The following FGF10 variants were observed in gnomAD, a reference collection of about 807,000 sequenced individuals.
The protein encoded by FGF10 is fibroblast growth factor 10, also known as FGF-10.
FGF10 carries 2 observed loss-of-function variants against 19.8 expected under a neutral mutation model. The ratio of observed to expected loss-of-function variants is 0.10; its 90% CI spans 0.04 to 0.32. The LOEUF is 0.32. Among genes scored for constraint, FGF10 ranks in the 10% least tolerant of loss-of-function variants. The pLI, the probability that FGF10 is intolerant of heterozygous loss-of-function variation, is 1.00. For missense variants in FGF10, 191 were observed against 246.3 expected, an observed-to-expected ratio of 0.78 and a Z score of 1.50; for synonymous variants, 112 against 94.0, an observed-to-expected ratio of 1.19 and a Z score of -1.10.
chr5:44,319,783 C>T (rs752015929), intron 1 of FGF10, among the ~76,000 whole-genome samples: 1 of 152,134 alleles, frequency 6.6e-6, no homozygotes, highest in African/African-American at 2.4e-5. Context: ...TTTATGTATA[C>T]TTGACAAATG....
chr5:44,303,709 A>G lies in FGF10; in HGVS notation c.*1286T>C, dbSNP rs1417385137. ...AAACAAGTTTTATTTGGTTTTGTAA[A>G]GACTAGATCATACAGCTAGAACAGG... On this transcript the variant is annotated 3_prime_UTR_variant, in exon 3 of 3. Transcript: ENST00000264664. 1 of 152,188 alleles carries G rather than the reference A, an allele frequency of 6.6e-6. No individual in the cohort carries two copies. Among genetic ancestry groups the G allele is most frequent in the Non-Finnish European group, 1.5e-5 (1 of 68,034 alleles). The allele number at this position is 152,188 out of a possible 1,614,324, so 9.4% of individuals were successfully genotyped here.
At chr5:44,324,653 A>G (rs1476727957) in intron 1 of FGF10, among the ~76,000 whole-genome samples, 1 of 152,176 alleles carries the variant, frequency 6.6e-6, no homozygotes, top group Non-Finnish European at 1.5e-5. Context: ...TTCAACTGAA[A>G]TAAAATAATT....
chr5:44,333,155 C>T (rs1740775318), intron 1 of FGF10, among the ~76,000 whole-genome samples: 1 of 152,050 alleles, frequency 6.6e-6, no homozygotes, highest in Non-Finnish European at 1.5e-5. Flanking sequence ...TTTTACAATT[C>T]TATAATTATG....
At chr5:44,358,207 C>T (rs138977087) in intron 1 of FGF10, among the ~76,000 whole-genome samples, 22 of 151,590 alleles carry the variant, frequency 1.5e-4, no homozygotes, top group East Asian at 5.9e-4. Context: ...AGATCTTTAA[C>T]GTATGTTCAT....
intron 1 of FGF10, among the ~76,000 whole-genome samples, chr5:44,346,218 C>T (rs1741087437): frequency 6.6e-6 from 1 of 151,712 alleles, no homozygotes; most frequent in Admixed American, 6.6e-5. Context: ...ACTTGTTCTG[C>T]CTCCAAAATG....
At chr5:44,350,741 GA>G (rs547059310) in intron 1 of FGF10, among the ~76,000 whole-genome samples, 494 of 146,736 alleles carry the variant, frequency 3.4e-3, no homozygotes, top group Non-Finnish European at 5.3e-3. Context: ...TTCATTTCAT[GA>G]AAAAAAAAAT....
At chr5:44,324,475 T>TGAA (rs1477219251) in intron 1 of FGF10, among the ~76,000 whole-genome samples, 2 of 152,140 alleles carry the variant, frequency 1.3e-5, no homozygotes, top group African/African-American at 4.8e-5. Flanking sequence ...TATCATATCT[T>TGAA]GAAGAAATGT....
chr5:44,372,038 A>G (rs191556062), intron 1 of FGF10, among the ~76,000 whole-genome samples: 13 of 152,284 alleles, frequency 8.5e-5, no homozygotes, highest in African/African-American at 2.6e-4. Context: ...TAGGGCCGAT[A>G]TAACAAATTA....
chr5:44,342,213 C>G (rs1740986190), intron 1 of FGF10, among the ~76,000 whole-genome samples: 1 of 151,846 alleles, frequency 6.6e-6, no homozygotes, highest in Admixed American at 6.6e-5. Context: ...ACAAACAAAT[C>G]AATGCACACT....
At chr5:44,306,160 G>A (rs1740070969) in intron 2 of FGF10, among the ~76,000 whole-genome samples, 1 of 152,156 alleles carries the variant, frequency 6.6e-6, no homozygotes, top group South Asian at 2.1e-4. Context: ...CACTTTGGGA[G>A]GCTGAGGCAG....
intron 1 of FGF10, among the ~76,000 whole-genome samples, chr5:44,318,826 A>C (rs1740415958): frequency 6.6e-6 from 1 of 152,190 alleles, no homozygotes; most frequent in African/African-American, 2.4e-5. Flanking sequence ...GATATCTTCT[A>C]TGTTCAATCA....
intron 1 of FGF10, among the ~76,000 whole-genome samples, chr5:44,346,347 A>C (rs1741091032): frequency 6.6e-6 from 1 of 151,924 alleles, no homozygotes; most frequent in Non-Finnish European, 1.5e-5. Flanking sequence ...GAATTAAAAA[A>C]AACAAATATA....
intron 1 of FGF10, among the ~76,000 whole-genome samples, chr5:44,368,502 CAGACTAATTAGTT>C (rs1252554095): frequency 3.3e-5 from 5 of 152,086 alleles, no homozygotes; most frequent in African/African-American, 1.2e-4. Context: ...ATAATCATCT[CAGACTAATTAGTT>C]ATGGCCATTG....
intron 1 of FGF10, among the ~76,000 whole-genome samples, chr5:44,387,379 G>T (rs889602982): frequency 2.6e-5 from 4 of 152,190 alleles, no homozygotes; most frequent in Non-Finnish European, 4.4e-5. Flanking sequence ...AGACCAAAAT[G>T]TAGGGATCCC....
chr5:44,388,387 C>T lies in FGF10; in HGVS notation c.296G>A (p.Ser99Asn), dbSNP rs764969764. The change falls in exon 1 of 3, where the codon AGC becomes AAC. Residue 99 changes from serine (S) to asparagine (N), a missense_variant. Transcript: ENST00000264664. Reference sequence around the variant, plus strand: ...CGGGCAGTTCTCCTTCTTGGTCCCGCTGACCTTCCCGTTCTTCTCAATCTT... The same window carrying T: ...CGGGCAGTTCTCCTTCTTGGTCCCGTTGACCTTCCCGTTCTTCTCAATCTT... ...FLKIEKNGKV[S>N]GTKKENCPYS... The T allele has an allele frequency of 6.2e-7, 1 of 1,613,666 alleles. No individual in the cohort carries two copies. The highest frequency in any genetic ancestry group is 8.5e-7 in the Non-Finnish European group (1 of 1,180,042).
intron 1 of FGF10, among the ~76,000 whole-genome samples, chr5:44,326,337 G>C (rs1260377050): frequency 6.6e-6 from 1 of 152,136 alleles, no homozygotes; most frequent in Admixed American, 6.6e-5. Context: ...CAATTGAGAA[G>C]TATGATGAAG....
intron 2 of FGF10, among the ~76,000 whole-genome samples, chr5:44,307,124 C>T (rs1380649745): frequency 6.6e-6 from 1 of 152,088 alleles, no homozygotes; most frequent in East Asian, 1.9e-4. Context: ...TGTTAATTTT[C>T]CTCCCCAAAA....
chr5:44,304,601 G>A lies in FGF10; in HGVS notation c.*394C>T, dbSNP rs955871777. The stretch of plus-strand genomic sequence containing the variant: ...TCATTAGGCTTGAATGAGCAATGAA[G>A]TCTTTGATATGAGTTCGTATTCCAT... On this transcript the variant is annotated 3_prime_UTR_variant, in exon 3 of 3. Transcript: ENST00000264664. 1 of 239,060 alleles carries A rather than the reference G, an allele frequency of 4.2e-6. No homozygotes were observed. The highest frequency in any genetic ancestry group is 8.3e-6 in the Non-Finnish European group (1 of 120,756). The allele number at this position is 239,060 out of a possible 1,614,324, so 14.8% of individuals were successfully genotyped here. A position where few individuals can be genotyped will look rare whatever the true frequency, so the allele number is the denominator to read the frequency against.
At chr5:44,332,867 G>A (rs570616656) in intron 1 of FGF10, among the ~76,000 whole-genome samples, 1 of 151,992 alleles carries the variant, frequency 6.6e-6, no homozygotes. Context: ...GAAGGAGGAG[G>A]AGGAGAGAAA....
Sources: gnomAD v4.1 joint callset for allele counts (sites outside exome capture counted in the v4.1 genomes callset) on GRCh38, gnomAD v4.1.1 for gene constraint, MANE v1.5 for transcripts, NCBI Gene and HGNC (gene_info 2026-07-23, HGNC 2026-07-21) for gene names.